The following EMC8 variants were observed in gnomAD, a reference collection of about 807,000 sequenced individuals.
EMC8 encodes the protein COX4 neighbor.
EMC8 carries 11 observed loss-of-function variants against 24.3 expected under a neutral mutation model. The ratio of observed to expected loss-of-function variants is 0.45; its 90% confidence interval spans 0.28 to 0.75. The LOEUF (loss-of-function observed/expected upper bound fraction) is 0.75. Among genes scored for constraint, EMC8 ranks in the 30% least tolerant of loss-of-function variants. The pLI is 0.12. For missense variants in EMC8, 277 were observed against 282.7 expected (o/e 0.98, Z 0.14); for synonymous variants, 145 against 117.7 (o/e 1.23, Z -1.50).
At chr16:85,792,209 T>C (rs973712634) in intron 1 of EMC8, among the ~76,000 whole-genome samples, 1 of 152,176 alleles carries the variant, frequency 6.6e-6, no homozygotes, top group Admixed American at 6.5e-5. Flanking sequence ...AACACATGTA[T>C]ATCTCAACTT....
Position 85,779,262 on chromosome 16 carries a change from C to A in EMC8, c.*446G>T. ...CCACGTGTCTACCCTGATCCCAGGA[C>A]GCCTGGACGACATCAAAATTCAAAC... On this transcript the variant is annotated 3_prime_UTR_variant, in exon 5 of 5. Transcript: ENST00000253457. The A allele has an allele frequency of 6.0e-6, 1 of 165,526 alleles. No individual in the cohort carries two copies. The highest frequency in any genetic ancestry group is 1.3e-5 in the Non-Finnish European group (1 of 75,816). 10.3% of individuals were successfully genotyped at this position (165,526 alleles called of 1,614,324 possible). A position where few individuals can be genotyped will look rare whatever the true frequency, so the allele number is the denominator to read the frequency against.
Position 85,799,009 on chromosome 16 carries a change from C to T in EMC8, c.231+56G>A. ...GACCGCTGGGCCAGCTTCCTCTCTG[C>T]TGACTGAGGGGAGGCCAGGCTGCCT... On this transcript the variant is annotated intron_variant, in intron 1 of 4. Transcript: ENST00000253457. This position sits in a 1 kb window ranked among gnomAD's most constrained non-coding sequence, Gnocchi z 4.2. 4 of 1,256,296 alleles carry T rather than the reference C, an allele frequency of 3.2e-6. No individual in the cohort carries two copies. Among genetic ancestry groups the T allele is most frequent in the Non-Finnish European group, 4.4e-6 (4 of 900,550 alleles). 77.8% of individuals were successfully genotyped at this position (1,256,296 alleles called of 1,614,324 possible). A position where few individuals can be genotyped will look rare whatever the true frequency, so the allele number is the denominator to read the frequency against.
intron 2 of EMC8, among the ~76,000 whole-genome samples, chr16:85,786,444 G>A (rs767201358): frequency 3.9e-5 from 6 of 152,134 alleles, no homozygotes; most frequent in South Asian, 2.1e-4. Context: ...CACCTTCTCC[G>A]GCTGGTTTCT....
chr16:85,790,172 T>A (rs1489197147), intron 1 of EMC8, among the ~76,000 whole-genome samples: 3 of 151,572 alleles, frequency 2.0e-5, no homozygotes, highest in Non-Finnish European at 2.9e-5. Context: ...TTGTAGGGAA[T>A]AAACTGGTTA....
intron 1 of EMC8, 185 bp downstream of exon 1, chr16:85,798,880 G>C (rs779506657): frequency 3.7e-6 from 2 of 537,010 alleles, no homozygotes; most frequent in African/African-American, 3.9e-5. Flanking sequence ...CTGCTACTAC[G>C]GGACGCTATT....
At chr16:85,792,201 C>G (rs752394380) in intron 1 of EMC8, among the ~76,000 whole-genome samples, 3 of 152,202 alleles carry the variant, frequency 2.0e-5, no homozygotes, top group Non-Finnish European at 2.9e-5. Context: ...CTATGACAAA[C>G]ACATGTATAT....
At chr16:85,794,954 T>C (rs1905188195) in intron 1 of EMC8, among the ~76,000 whole-genome samples, 2 of 152,184 alleles carry the variant, frequency 1.3e-5, no homozygotes, top group South Asian at 4.1e-4. Context: ...TCTGGGCATC[T>C]TTCCTCCCTG....
intron 1 of EMC8, among the ~76,000 whole-genome samples, chr16:85,795,240 G>C (rs1905200452): frequency 1.3e-5 from 2 of 152,158 alleles, no homozygotes; most frequent in South Asian, 4.1e-4. Flanking sequence ...GAAGCTCCTA[G>C]AAGTTTCTGA....
intron 4 of EMC8, 68 bp from the exon 5 acceptor site, chr16:85,779,935 G>A: frequency 2.2e-6 from 3 of 1,360,726 alleles, no homozygotes; most frequent in East Asian, 4.6e-5. Context: ...AGCATCAAGA[G>A]AGAAGGCCAG....
intron 2 of EMC8, among the ~76,000 whole-genome samples, chr16:85,783,643 G>A (rs528958500): frequency 1.3e-5 from 2 of 152,276 alleles, no homozygotes; most frequent in South Asian, 2.1e-4. Flanking sequence ...CTGAGCTACC[G>A]TGTGCAGCCA....
intron 2 of EMC8, chr16:85,784,574 G>A (rs1164887227): frequency 6.6e-6 from 1 of 152,060 alleles, no homozygotes; most frequent in African/African-American, 2.4e-5. Context: ...GAGGTTTTCA[G>A]GTAGAAGCCA....
chr16:85,789,370 G>C (rs1225840932), intron 1 of EMC8, among the ~76,000 whole-genome samples: 1 of 152,170 alleles, frequency 6.6e-6, no homozygotes, highest in Non-Finnish European at 1.5e-5. Flanking sequence ...AAGAACTGGG[G>C]CTTTAGAAAT....
At position 85,779,350 on chromosome 16, in the gene EMC8, A is replaced by T. The variant is rs113956105; in HGVS notation, c.*358T>A. 0.011 allele frequency: 1,664 copies of T among 146,100 alleles called. 31 individuals are homozygous for T. The highest frequency in any genetic ancestry group is 0.048 in the African/African-American group (1,565 of 32,364). The allele number at this position is 146,100 out of a possible 1,614,324, so 9.1% of individuals were successfully genotyped here. A position where few individuals can be genotyped will look rare whatever the true frequency, so the allele number is the denominator to read the frequency against. Reference sequence around the variant, plus strand: ...GATGTGGGCTTTTTTTTTTTTTTTTAAAAAAAGATAGTTCAAAAGCCTTAA... The same window carrying T: ...GATGTGGGCTTTTTTTTTTTTTTTTTAAAAAAGATAGTTCAAAAGCCTTAA... On this transcript the variant is annotated 3_prime_UTR_variant, in exon 5 of 5. Coordinates refer to ENST00000253457, the MANE Select transcript of EMC8 (RefSeq NM_006067.5).
chr16:85,783,695 C>T (rs1597201093), intron 2 of EMC8, among the ~76,000 whole-genome samples: 1 of 152,168 alleles, frequency 6.6e-6, no homozygotes, highest in East Asian at 1.9e-4. Flanking sequence ...AATCTGCCTA[C>T]ATGTCATCTG....
chr16:85,788,886 T>G (rs527608009), intron 2 of EMC8, 88 bp downstream of exon 2: 6 of 855,526 alleles, frequency 7.0e-6, no homozygotes, highest in African/African-American at 5.4e-5. Flanking sequence ...CTCACAGGTT[T>G]CGTATCTGGC....
In EMC8 at chr16:85,779,478, C is replaced by T. The variant is rs1373552478; in HGVS notation, c.*230G>A. The T allele has an allele frequency of 2.8e-5, 13 of 470,252 alleles. No homozygotes were observed. In the Middle Eastern group the frequency reaches 1.8e-3, roughly 63 times the overall value. 29.1% of individuals were successfully genotyped at this position (470,252 alleles called of 1,614,324 possible). A position where few individuals can be genotyped will look rare whatever the true frequency, so the allele number is the denominator to read the frequency against. On this transcript the variant is annotated 3_prime_UTR_variant, in exon 5 of 5. Coordinates refer to ENST00000253457, the MANE Select transcript of EMC8 (RefSeq NM_006067.5). ...TGATTTGGAGGATTATAGCAACATACAACTGAGAGAGTCCACAGGGACAGT... is the reference window on the plus strand; with the variant it reads ...TGATTTGGAGGATTATAGCAACATATAACTGAGAGAGTCCACAGGGACAGT...
At position 85,779,735 on chromosome 16, in the gene EMC8, G is replaced by A. The variant is rs751998297; in HGVS notation, c.606C>T (p.Ile202=). 6.2e-7 allele frequency: 1 copy of A among 1,614,082 alleles called. No individual in the cohort carries two copies. The highest frequency in any genetic ancestry group is 1.7e-5 in the Admixed American group (1 of 60,010). Residue 202 remains isoleucine (I), a synonymous_variant, in exon 5 of 5, where the codon ATC becomes ATT. Transcript: ENST00000253457. ...DIRNDWTNPE[I]NKAVLHLC ...AGCACAAGTGTAGGACAGCTTTATT[G>A]ATCTCTGGGTTTGTCCAGTCATTCC...
chr16:85,793,273 T>G (rs1429717059), intron 1 of EMC8, among the ~76,000 whole-genome samples: 1 of 152,166 alleles, frequency 6.6e-6, no homozygotes, highest in Non-Finnish European at 1.5e-5. Context: ...GACCACAACT[T>G]GCCACTTACC....
At chr16:85,786,091 T>C (rs541152940) in intron 2 of EMC8, among the ~76,000 whole-genome samples, 1 of 152,334 alleles carries the variant, frequency 6.6e-6, no homozygotes, top group South Asian at 2.1e-4. Flanking sequence ...CAGCCACTAC[T>C]GTAAACCAAG....
Sources: allele counts gnomAD v4.1 joint callset (sites outside exome capture counted in the v4.1 genomes callset), GRCh38; gene constraint gnomAD v4.1.1; non-coding constraint Gnocchi (gnomAD v3.1); transcripts MANE v1.5; gene names NCBI Gene and HGNC (gene_info 2026-07-23, HGNC 2026-07-21).